The following SLC4A3 variants were observed in gnomAD, a reference collection of about 807,000 sequenced individuals.
SLC4A3 encodes the protein solute carrier family 4 member 3, also known as anion exchange protein 3.
In SLC4A3, 47 loss-of-function variants were observed where a neutral mutation model predicts 114.2. That is an observed-to-expected ratio of 0.41 (90% CI 0.33 to 0.52). The LOEUF (loss-of-function observed/expected upper bound fraction) is 0.52. SLC4A3 is among the 20% of genes least tolerant of loss of function. The probability of loss-of-function intolerance (pLI) is 0.21; values close to 1 mark genes in which losing one functional copy is unlikely to be tolerated. For synonymous variants in SLC4A3, 693 were observed against 710.3 expected (o/e 0.98, Z 0.39); for missense variants, 1,312 against 1,668.3 (o/e 0.79, Z 3.72).
intron 20 of SLC4A3, among the ~76,000 whole-genome samples, chr2:219,640,225 GCC>G (rs5838745): frequency 7.1e-4 from 77 of 108,286 alleles, no homozygotes; most frequent in African/African-American, 2.4e-3. Flanking sequence ...CAATGTGTCT[GCC>G]CCCCCCCCCG....
rs1698904416 is a variant in SLC4A3, at chr2:219,631,158, C to T, written c.811+806C>T. On this transcript the variant is annotated intron_variant, in intron 6 of 22. Transcript: ENST00000358055. The surrounding 1 kb of genome is among the most constrained non-coding windows in gnomAD (Gnocchi z 6.3). ...CCTTCAGCTCTGGTTGGACAGAAGC[C>T]ACCCCGTCCAGGCTCCCACCTTGTA... The T allele has an allele frequency of 2.5e-6, 3 of 1,179,082 alleles. 1 individual carries two copies. The highest frequency in any genetic ancestry group is 3.2e-6 in the Non-Finnish European group (3 of 927,248). 73.0% of individuals were successfully genotyped at this position (1,179,082 alleles called of 1,614,324 possible).
chr2:219,640,086 G>A (rs1035933992), intron 20 of SLC4A3, among the ~76,000 whole-genome samples: 8 of 152,066 alleles, frequency 5.3e-5, no homozygotes, highest in Non-Finnish European at 1.0e-4. Context: ...CCGCCACCAC[G>A]CCCAGCTAAT....
Position 219,633,257 on chromosome 2 carries a change from C to A in SLC4A3, c.1278-17C>A, listed in dbSNP as rs1328909297. The A allele has an allele frequency of 2.6e-6, 4 of 1,542,782 alleles. No individual in the cohort carries two copies. Among genetic ancestry groups the A allele is most frequent in the Non-Finnish European group, 3.5e-6 (4 of 1,140,120 alleles). Reference sequence around the variant, plus strand: ...ATGAGCCTCTCCTCCTCACCTGCCTCACCCTGCCCCTTCCAGCCATCCCAA... The same window carrying A: ...ATGAGCCTCTCCTCCTCACCTGCCTAACCCTGCCCCTTCCAGCCATCCCAA... On this transcript the variant is annotated splice_polypyrimidine_tract_variant and intron_variant, in intron 9 of 22. Transcript: ENST00000358055.
In SLC4A3 at chr2:219,636,820, T is replaced by C; in HGVS notation, c.2481T>C (p.Phe827=). The part of the protein sequence containing the change: ...RYISPFTQEI[F]AFLISLIFIY... Reference sequence around the variant, plus strand: ...TCTCGCCTTTCACCCAGGAGATCTTTGCCTTTCTCATCTCACTCATTTTCA... The same window carrying C: ...TCTCGCCTTTCACCCAGGAGATCTTCGCCTTTCTCATCTCACTCATTTTCA... Residue 827 remains phenylalanine (F), a synonymous_variant, in exon 16 of 23, where the codon TTT becomes TTC. Transcript: ENST00000358055. The surrounding 1 kb of genome is among the most constrained non-coding windows in gnomAD (Gnocchi z 5.5). 2 of 1,614,070 alleles carry C rather than the reference T, an allele frequency of 1.2e-6. No individual in the cohort carries two copies. Among genetic ancestry groups the C allele is most frequent in the Non-Finnish European group, 1.7e-6 (2 of 1,179,962 alleles).
In SLC4A3 at chr2:219,630,479, G is replaced by T; in HGVS notation, c.811+127G>T. On this transcript the variant is annotated intron_variant, in intron 6 of 22. Transcript: ENST00000358055. The surrounding 1 kb of genome is among the most constrained non-coding windows in gnomAD (Gnocchi z 6.9). ...GTCCTCTCTGAATCCCTGTCTGCTG[G>T]GATGTGGCCAGTGATGGGGACCTCA... 9.4e-7 allele frequency: 1 copy of T among 1,064,386 alleles called. No individual in the cohort carries two copies. Among genetic ancestry groups the T allele is most frequent in the South Asian group, 1.7e-5 (1 of 59,984 alleles). The allele number at this position is 1,064,386 out of a possible 1,614,324, so 65.9% of individuals were successfully genotyped here.
rs752831295 is a variant in SLC4A3 at position 219,636,334 on chromosome 2, G to A, written c.2224G>A (p.Glu742Lys). 1.2e-6 allele frequency: 2 copies of A among 1,613,732 alleles called. No homozygotes were observed. The highest frequency in any genetic ancestry group is 1.7e-6 in the Non-Finnish European group (2 of 1,179,952). ...GACCGAGGGGCTGATGGGCGTGTCC[G>A]AGCTGATCGTGTCCACCGCTGTGCT... Reference protein sequence around the residue: ...EKTEGLMGVSELIVSTAVLGV... With the variant: ...EKTEGLMGVSKLIVSTAVLGV... The change falls in exon 15 of 23, where the codon GAG becomes AAG. Residue 742 changes from glutamate to lysine, a missense_variant. Physicochemically the swap from Glu to Lys is moderately conservative, Grantham distance 56. Transcript: ENST00000358055. The surrounding 1 kb of genome is among the most constrained non-coding windows in gnomAD (Gnocchi z 5.5).
At chr2:219,632,522 C>G (rs867157508) in intron 8 of SLC4A3, 80 bp downstream of exon 8, 4 of 1,428,710 alleles carry the variant, frequency 2.8e-6, no homozygotes, top group Middle Eastern at 4.2e-4. Flanking sequence ...GGAACACTCT[C>G]TAGAGTCCTG....
At chr2:219,633,227 C>T in intron 9 of SLC4A3, 47 bp from the exon 10 acceptor site, 1 of 1,512,922 alleles carries the variant, frequency 6.6e-7, no homozygotes, top group Non-Finnish European at 8.9e-7. Context: ...TGACCTCAGT[C>T]TACCATGAGC....
Position 219,637,696 on chromosome 2 carries a change from C to A in SLC4A3, c.2651C>A (p.Pro884His). The A allele has an allele frequency of 6.2e-7, 1 of 1,613,208 alleles. No homozygotes were observed. The highest frequency in any genetic ancestry group is 1.7e-5 in the Admixed American group (1 of 60,006). Residue 884 changes from proline (P) to histidine (H), a missense_variant, in exon 17 of 23, where the codon CCC (proline) becomes CAC (histidine). Physicochemically the swap from Pro to His is moderately conservative, Grantham distance 77 (BLOSUM62 -2). This residue lies in a region of SLC4A3 where 301 missense variants were observed against 460.7 expected (regional missense o/e 0.65). Transcript: ENST00000358055. The surrounding 1 kb of genome is among the most constrained non-coding windows in gnomAD (Gnocchi z 4.6). ...GCCCTGCCCCCCACCGAGGGCCCCC[C>A]CAGCCCGAGGAACCAGCCCAATACG... ...GSALPPTEGP[P>H]SPRNQPNTAL...
rs1350342670 is a variant in SLC4A3, at chr2:219,632,316, C to T, written c.1015C>T (p.Arg339Trp). The T allele has an allele frequency of 7.4e-6, 12 of 1,613,982 alleles. No individual in the cohort carries two copies. Among genetic ancestry groups the T allele is most frequent in the African/African-American group, 1.3e-5 (1 of 74,938 alleles). ...GGACCGCAGCCAGGAGCCCCACTGG[C>T]GGGAGACGGCCCGCTGGATCAAGTT... ...MLDRSQEPHW[R>W]ETARWIKFEE... is the part of the protein sequence containing the mutation. The change falls in exon 8 of 23, where the codon CGG becomes TGG. Residue 339 changes from arginine (R) to tryptophan (W), a missense_variant. By Grantham distance (101) the Arg-to-Trp change is moderately radical. Transcript: ENST00000358055.
In SLC4A3 at chr2:219,640,428, A is replaced by C; in HGVS notation, c.3278-2A>C. 1 of 1,611,624 alleles carries C rather than the reference A, an allele frequency of 6.2e-7. No individual in the cohort carries two copies. Among genetic ancestry groups the C allele is most frequent in the East Asian group, 2.2e-5 (1 of 44,828 alleles). Reference sequence around the variant, plus strand: ...CAGGCGGGTCTGTGTCACCTCCTCCAGGCCTGTCCATCGTCATGGGGGCTG... The same window carrying C: ...CAGGCGGGTCTGTGTCACCTCCTCCCGGCCTGTCCATCGTCATGGGGGCTG... On this transcript the variant is annotated splice_acceptor_variant, in intron 20 of 22. Coordinates refer to ENST00000358055, the MANE Select transcript of SLC4A3 (RefSeq NM_005070.4). LOFTEE classifies it high-confidence loss of function.
Position 219,627,932 on chromosome 2 carries a change from CT to C in SLC4A3, c.-59del. 6.8e-7 allele frequency: 1 copy of C among 1,475,640 alleles called. No homozygotes were observed. 91.4% of individuals were successfully genotyped at this position (1,475,640 alleles called of 1,614,324 possible). On this transcript the variant is annotated 5_prime_UTR_variant, in exon 2 of 23. The change abolishes the stop of an existing upstream ORF in the 5' untranslated region. Transcript: ENST00000358055. ...CGCTAGGCCCCCTCAGTGGCCCCTCCTTCTCACCTGGGTCTCGGGTCCCCTA... is the reference window on the plus strand; with the variant it reads ...CGCTAGGCCCCCTCAGTGGCCCCTCCTCTCACCTGGGTCTCGGGTCCCCTA...
In SLC4A3 at chr2:219,637,784, C is replaced by T; in HGVS notation, c.2739C>T (p.Phe913=). Residue 913 remains phenylalanine (F), a synonymous_variant, in exon 17 of 23, where the codon TTC becomes TTT. Coordinates refer to ENST00000358055, the MANE Select transcript of SLC4A3 (RefSeq NM_005070.4). This position sits in a 1 kb window ranked among gnomAD's most constrained non-coding sequence, Gnocchi z 4.6. ...TCATAGCCTTCTTCCTGCGCAAGTT[C>T]AGGAACAGCCGCTTCCTGGGGGGCA... The part of the protein sequence containing the change: ...TFFIAFFLRK[F]RNSRFLGGKA... 1 of 1,613,864 alleles carries T rather than the reference C, an allele frequency of 6.2e-7. No homozygotes were observed. Among genetic ancestry groups the T allele is most frequent in the Non-Finnish European group, 8.5e-7 (1 of 1,179,818 alleles).
chr2:219,629,560 G>A lies in SLC4A3; in HGVS notation c.496-20G>A, dbSNP rs1221817640. On this transcript the variant is annotated intron_variant, in intron 4 of 22. Coordinates refer to ENST00000358055, the MANE Select transcript of SLC4A3 (RefSeq NM_005070.4). ...ATGGTAGGTCGGGGCAAGGCCCCAG[G>A]GCACATTCTATGTCTGCAGTTCTCC... 2 of 1,600,540 alleles carry A rather than the reference G, an allele frequency of 1.2e-6. No homozygotes were observed. The highest frequency in any genetic ancestry group is 2.2e-5 in the South Asian group (2 of 90,840).
rs774120627 is a variant in SLC4A3 at position 219,636,289 on chromosome 2, C to A, written c.2192-13C>A. 1 of 1,613,044 alleles carries A rather than the reference C, an allele frequency of 6.2e-7. No homozygotes were observed. Reference sequence around the variant, plus strand: ...AGAGCCAGGCTAGGGCCATCCTACCCGTGCTATGGCAGGAGAGAAGACCGA... The same window carrying A: ...AGAGCCAGGCTAGGGCCATCCTACCAGTGCTATGGCAGGAGAGAAGACCGA... On this transcript the variant is annotated splice_polypyrimidine_tract_variant and intron_variant, in intron 14 of 22. Transcript: ENST00000358055. The surrounding 1 kb of genome is among the most constrained non-coding windows in gnomAD (Gnocchi z 5.5).
chr2:219,633,065 C>A, intron 9 of SLC4A3, 56 bp downstream of exon 9: 1 of 1,593,674 alleles, frequency 6.3e-7, no homozygotes, highest in Non-Finnish European at 8.6e-7. Flanking sequence ...CTTCCAGGAG[C>A]ACATCCTCTT....
In SLC4A3 at chr2:219,632,961, G is replaced by C; in HGVS notation, c.1229G>C (p.Arg410Pro). 1.2e-6 allele frequency: 2 copies of C among 1,614,068 alleles called. No individual in the cohort carries two copies. Among genetic ancestry groups the C allele is most frequent in the Non-Finnish European group, 1.7e-6 (2 of 1,180,006 alleles). ...ACCATGATTGTGTCTGACCAGATCC[G>C]GCCGGAGGACAGGGCCAGCGTCCTA... Reference protein sequence around the residue: ...VETMIVSDQIRPEDRASVLRT... With the variant: ...VETMIVSDQIPPEDRASVLRT... Residue 410 changes from arginine to proline, a missense_variant, in exon 9 of 23, where the codon CGG (arginine) becomes CCG (proline). Physicochemically the swap from Arg to Pro is moderately radical, Grantham distance 103. Around this residue, in one of 4 missense-constraint regions of SLC4A3, gnomAD observed 771 missense variants for 977.7 expected, o/e 0.79. Coordinates refer to ENST00000358055, the MANE Select transcript of SLC4A3 (RefSeq NM_005070.4).
At chr2:219,640,144 T>G (rs756164876) in intron 20 of SLC4A3, among the ~76,000 whole-genome samples, 12 of 152,030 alleles carry the variant, frequency 7.9e-5, no homozygotes, top group Non-Finnish European at 1.6e-4. Flanking sequence ...TTAGCCATGA[T>G]GGTCTTGATC....
Position 219,639,490 on chromosome 2 carries a change from T to G in SLC4A3, c.3032T>G (p.Val1011Gly). ...FMETQITALIVSQKARRLLKG... is the reference protein window; with the variant it reads ...FMETQITALIGSQKARRLLKG... ...CCACCTTCTCCCTGCAGGCTTATCG[T>G]CAGCCAGAAGGCGCGGAGGCTGCTC... Residue 1011 changes from valine (V) to glycine (G), a missense_variant, in exon 20 of 23, where the codon GTC becomes GGC. Physicochemically the swap from Val to Gly is moderately radical, Grantham distance 109. Transcript: ENST00000358055. The surrounding 1 kb of genome is among the most constrained non-coding windows in gnomAD (Gnocchi z 5.9). The G allele has an allele frequency of 1.9e-6, 3 of 1,613,008 alleles. No individual in the cohort carries two copies. Among genetic ancestry groups the G allele is most frequent in the Non-Finnish European group, 2.5e-6 (3 of 1,179,676 alleles).
Sources: allele counts gnomAD v4.1 joint callset (sites outside exome capture counted in the v4.1 genomes callset), GRCh38; gene constraint gnomAD v4.1.1; regional missense constraint gnomAD v4.1.1; non-coding constraint Gnocchi (gnomAD v3.1); transcripts MANE v1.5; gene names NCBI Gene and HGNC (gene_info 2026-07-23, HGNC 2026-07-21).